The following TANC1 variants were observed in gnomAD, a reference collection of about 807,000 sequenced individuals.
TANC1 encodes tetratricopeptide repeat, ankyrin repeat and coiled-coil containing 1, also known as protein TANC1.
In TANC1, 77 loss-of-function variants were observed where a neutral mutation model predicts 149.7. The ratio of observed to expected loss-of-function variants is 0.51; its 90% confidence interval spans 0.43 to 0.62. The LOEUF is 0.62. TANC1 is among the 20% of genes least tolerant of loss of function. The pLI, the probability that TANC1 is intolerant of heterozygous loss-of-function variation, is 0.00. For synonymous variants in TANC1, 854 were observed against 925.0 expected, an observed-to-expected ratio of 0.92 and a Z score of 1.39; for missense variants, 1,985 against 2,321.8, an observed-to-expected ratio of 0.85 and a Z score of 2.98.
chr2:159,106,404 G>T (rs2047187104), intron 4 of TANC1, among the ~76,000 whole-genome samples: 1 of 152,302 alleles, frequency 6.6e-6, no homozygotes, highest in South Asian at 2.1e-4. Flanking sequence ...CCATTAAAAT[G>T]GAATCATAAT....
intron 3 of TANC1, among the ~76,000 whole-genome samples, chr2:159,072,435 C>T (rs77918745): frequency 0.016 from 2,402 of 152,318 alleles, 25 homozygotes; most frequent in Non-Finnish European, 0.023. Flanking sequence ...CCTGCTCGAT[C>T]ACCTCCTATT....
At chr2:159,146,732 G>A (rs2052153349) in intron 5 of TANC1, among the ~76,000 whole-genome samples, 1 of 151,878 alleles carries the variant, frequency 6.6e-6, no homozygotes, top group Non-Finnish European at 1.5e-5. Context: ...ATAGAGATGG[G>A]GTTTCACCAT....
intron 4 of TANC1, among the ~76,000 whole-genome samples, chr2:159,117,373 T>C (rs1414308985): frequency 2.0e-5 from 3 of 152,186 alleles, no homozygotes; most frequent in African/African-American, 7.2e-5. Context: ...TGAACTGATA[T>C]TGATACCTAC....
At chr2:159,170,490 C>T (rs1471053352) in intron 9 of TANC1, 34 bp from the exon 10 acceptor site, 1 of 1,553,630 alleles carries the variant, frequency 6.4e-7, no homozygotes, top group African/African-American at 1.4e-5. Context: ...AAAATTATGA[C>T]ATTTTTCTAA....
chr2:159,062,689 C>T (rs932422049), intron 2 of TANC1, among the ~76,000 whole-genome samples: 10 of 152,046 alleles, frequency 6.6e-5, no homozygotes, highest in South Asian at 4.1e-4. Context: ...AAAGCTCGGC[C>T]GGGCGCGGTG....
At chr2:158,993,665 T>G (rs2035883800) in intron 1 of TANC1, among the ~76,000 whole-genome samples, 1 of 152,224 alleles carries the variant, frequency 6.6e-6, no homozygotes, top group African/African-American at 2.4e-5. Flanking sequence ...AAAAGTTAAT[T>G]TCTAAAGCCA....
intron 7 of TANC1, among the ~76,000 whole-genome samples, chr2:159,158,273 T>G (rs2053640466): frequency 6.6e-6 from 1 of 151,948 alleles, no homozygotes; most frequent in Admixed American, 6.6e-5. Flanking sequence ...GGTGGAAAGA[T>G]CGTTTGAGCC....
chr2:159,172,307 A>G (rs1291912434), intron 11 of TANC1, 35 bp downstream of exon 11: 1 of 1,598,580 alleles, frequency 6.3e-7, no homozygotes, highest in African/African-American at 1.3e-5. Context: ...CCTTCCACAT[A>G]GAGAGATTTG....
intron 5 of TANC1, among the ~76,000 whole-genome samples, chr2:159,142,389 A>G (rs955170179): frequency 6.6e-6 from 1 of 152,264 alleles, no homozygotes; most frequent in Non-Finnish European, 1.5e-5. Flanking sequence ...ACCTTAGTAT[A>G]TGTCAAGGCA....
chr2:158,988,105 C>G (rs1265994075), intron 1 of TANC1, among the ~76,000 whole-genome samples: 1 of 151,688 alleles, frequency 6.6e-6, no homozygotes, highest in Non-Finnish European at 1.5e-5. Flanking sequence ...GGCAGATCAC[C>G]TGAGGTCAGG....
In TANC1 at chr2:159,033,257, C is replaced by T. The variant is rs148072438; in HGVS notation, c.-16+32068C>T. On this transcript the variant is annotated intron_variant, in intron 2 of 26. Coordinates refer to ENST00000263635, the MANE Select transcript of TANC1 (RefSeq NM_033394.3). ...GGGCTTGGTGTCGGGAGGGTGGGAT[C>T]CAAGTGGGATTCAAGTAAGTGGCCA... 2.1e-3 allele frequency among the ~76,000 whole-genome samples: 320 copies of T among 152,168 alleles called. 2 individuals are homozygous for T. The highest frequency in any genetic ancestry group is 0.01 in the Middle Eastern group (3 of 294).
intron 3 of TANC1, among the ~76,000 whole-genome samples, chr2:159,072,770 T>C (rs1392556739): frequency 6.9e-6 from 1 of 144,802 alleles, no homozygotes; most frequent in South Asian, 2.2e-4. Context: ...GTATAATAAT[T>C]AAAAAAAAAA....
chr2:159,039,306 T>C (rs1211605954), intron 2 of TANC1, among the ~76,000 whole-genome samples: 2 of 152,204 alleles, frequency 1.3e-5, no homozygotes, highest in Non-Finnish European at 2.9e-5. Flanking sequence ...CCTGGATTCA[T>C]TATTATTATT....
Position 159,217,485 on chromosome 2 carries a change from A to G in TANC1, c.3245-12A>G. ...ATGCTAACAGATTCCCCTCCATGTG[A>G]CTTTCCTTTAGCCCTGACTGCCGCC... On this transcript the variant is annotated splice_polypyrimidine_tract_variant and intron_variant, in intron 19 of 26. Coordinates refer to ENST00000263635, the MANE Select transcript of TANC1 (RefSeq NM_033394.3). The G allele has an allele frequency of 6.2e-7, 1 of 1,614,022 alleles. No individual in the cohort carries two copies. Among genetic ancestry groups the G allele is most frequent in the Admixed American group, 1.7e-5 (1 of 60,008 alleles).
At chr2:159,182,789 A>G (rs548158599) in intron 14 of TANC1, among the ~76,000 whole-genome samples, 1 of 152,250 alleles carries the variant, frequency 6.6e-6, no homozygotes, top group South Asian at 2.1e-4. Context: ...CTCTGTAGGC[A>G]CTAGAAGCCA....
chr2:159,227,896 C>T lies in TANC1; in HGVS notation c.3981C>T (p.Asp1327=). The change falls in exon 25 of 27, where the codon GAC becomes GAT. Residue 1327 remains aspartate, a synonymous_variant. Coordinates refer to ENST00000263635, the MANE Select transcript of TANC1 (RefSeq NM_033394.3). ...RKFPREGFGE[D]MRPFNELRVS... ...TTCCTCGAGAAGGATTCGGAGAGGA[C>T]ATGAGACCCTTCAATGAATTAAGGG... 6.2e-7 allele frequency: 1 copy of T among 1,614,144 alleles called. No homozygotes were observed. The highest frequency in any genetic ancestry group is 8.5e-7 in the Non-Finnish European group (1 of 1,179,992).
intron 2 of TANC1, among the ~76,000 whole-genome samples, chr2:159,047,198 A>G (rs1309505267): frequency 1.6e-5 from 2 of 126,798 alleles, no homozygotes; most frequent in Non-Finnish European, 3.6e-5. Context: ...TCCCCCCCCC[A>G]GTTATTGCCT....
At chr2:159,218,524 G>A (rs1057415394) in intron 20 of TANC1, among the ~76,000 whole-genome samples, 3 of 152,162 alleles carry the variant, frequency 2.0e-5, no homozygotes, top group Non-Finnish European at 2.9e-5. Context: ...GGATTGTGTT[G>A]CCTCCTGTTG....
rs540017106 is a variant in TANC1 at position 159,187,667 on chromosome 2, C to A, written c.2742+643C>A. The stretch of plus-strand genomic sequence containing the variant: ...AAGGCCACAGAGACAGTGTCCAGGC[C>A]TTTCAGCTTCAGGCCCTGATGTACC... On this transcript the variant is annotated intron_variant, in intron 16 of 26. Transcript: ENST00000263635. Among the ~76,000 whole-genome samples the A allele has an allele frequency of 1.4e-3, 211 of 152,280 alleles. 3 individuals carry two copies. Among genetic ancestry groups the A allele is most frequent in the Non-Finnish European group, 2.4e-4 (16 of 68,032 alleles).
Sources: gnomAD v4.1 joint callset for allele counts (sites outside exome capture counted in the v4.1 genomes callset) on GRCh38, gnomAD v4.1.1 for gene constraint, MANE v1.5 for transcripts, NCBI Gene and HGNC (gene_info 2026-07-23, HGNC 2026-07-21) for gene names.